The following ZFP1 variants were observed in gnomAD, a reference collection of about 807,000 sequenced individuals.
ZFP1 encodes the protein ZFP1 zinc finger protein.
Under a neutral mutation model 38.5 loss-of-function variants are expected in ZFP1, and 32 were observed. The ratio of observed to expected loss-of-function variants is 0.83; its 90% CI spans 0.63 to 1.12. The LOEUF (loss-of-function observed/expected upper bound fraction) is 1.12, where lower values mean the gene tolerates loss of function less well. Among genes scored for constraint, ZFP1 ranks in the 50% most tolerant of loss-of-function variants. The pLI, the probability that ZFP1 is intolerant of heterozygous loss-of-function variation, is 0.00. For missense variants in ZFP1, 616 were observed against 480.8 expected, an observed-to-expected ratio of 1.28 and a Z score of -2.63; for synonymous variants, 245 against 168.8, an observed-to-expected ratio of 1.45 and a Z score of -3.50.
chr16:75,147,757 A>G (rs1478721777), upstream of ZFP1, among the ~76,000 whole-genome samples: 1 of 152,122 alleles, frequency 6.6e-6, no homozygotes, highest in Non-Finnish European at 1.5e-5. Flanking sequence ...TAAAGGATGA[A>G]AGGAACTGAG....
At chr16:75,150,780 G>T (rs549427971) in intron 1 of ZFP1, among the ~76,000 whole-genome samples, 16 of 152,180 alleles carry the variant, frequency 1.1e-4, no homozygotes, top group South Asian at 4.2e-4. Flanking sequence ...TAACTGTTTC[G>T]TGTGTATTTG....
In ZFP1 at chr16:75,170,323, G is replaced by C; in HGVS notation, c.1213G>C (p.Glu405Gln). 6.4e-7 allele frequency: 1 copy of C among 1,573,906 alleles called. No individual in the cohort carries two copies. Among genetic ancestry groups the C allele is most frequent in the Non-Finnish European group, 8.6e-7 (1 of 1,159,566 alleles). The change falls in exon 4 of 4, where the codon GAG becomes CAG. Residue 405 changes from glutamate to glutamine, a missense_variant. Transcript: ENST00000570010. ...LSVHQRVHIG[E>Q]KP is the part of the protein sequence containing the mutation. ...TGTCCATCAGAGAGTTCACATCGGG[G>C]AGAAACCCTGAAACTCCAGCCAGGT...
chr16:75,157,624 G>A (rs1202273883), intron 2 of ZFP1, among the ~76,000 whole-genome samples: 2 of 152,132 alleles, frequency 1.3e-5, no homozygotes, highest in African/African-American at 2.4e-5. Context: ...TGTCAGGCTT[G>A]ATATAATTTG....
intron 3 of ZFP1, among the ~76,000 whole-genome samples, chr16:75,168,904 T>TC (rs1167371111): frequency 4.6e-5 from 7 of 152,288 alleles, no homozygotes; most frequent in African/African-American, 1.7e-4. Context: ...AACTGCAGTG[T>TC]CCTTAAGAAC....
At chr16:75,166,675 TATAGATTTTCATGATGAATGAC>T in intron 2 of ZFP1, 73 bp from the exon 3 acceptor site, 2 of 1,599,356 alleles carry the variant, frequency 1.3e-6, no homozygotes, top group Non-Finnish European at 1.7e-6. Flanking sequence ...TGGTGTAATA[TATAGATTTTCATGATGAATGAC>T]ATAAAGTTTT....
chr16:75,142,084 G>A, the ZFP1 span, among the ~76,000 whole-genome samples: 3 of 147,748 alleles, frequency 2.0e-5, no homozygotes, highest in Non-Finnish European at 4.5e-5. Context: ...GAGGCTGGGC[G>A]CGGTGGCTCA....
chr16:75,148,623 G>A lies in ZFP1; in HGVS notation c.-64G>A, dbSNP rs552128270. 7.5e-4 allele frequency: 114 copies of A among 152,452 alleles called. 1 individual carries two copies. The highest frequency in any genetic ancestry group is 2.6e-3 in the African/African-American group (110 of 41,600). The allele number at this position is 152,452 out of a possible 1,614,324, so 9.4% of individuals were successfully genotyped here. On this transcript the variant is annotated 5_prime_UTR_variant, in exon 1 of 4. In the 5' UTR this introduces an upstream ATG that the reference lacks. Transcript: ENST00000570010. Reference sequence around the variant, plus strand: ...GACCCGCTGTGGCACTGGGCCACGAGTGGAGGCTGCGCCCCTCCAGGTACG... The same window carrying A: ...GACCCGCTGTGGCACTGGGCCACGAATGGAGGCTGCGCCCCTCCAGGTACG...
the ZFP1 span, among the ~76,000 whole-genome samples, chr16:75,134,105 G>C: frequency 1.3e-5 from 2 of 152,104 alleles, no homozygotes; most frequent in Non-Finnish European, 2.9e-5. Context: ...CTGGATTGGG[G>C]GACAGGGAAT....
At chr16:75,168,330 T>G (rs1446546712) in intron 3 of ZFP1, among the ~76,000 whole-genome samples, 1 of 152,122 alleles carries the variant, frequency 6.6e-6, no homozygotes, top group Non-Finnish European at 1.5e-5. Context: ...ATCCTTAAGA[T>G]GCTGAACACA....
chr16:75,161,887 C>T (rs571682205), intron 2 of ZFP1, among the ~76,000 whole-genome samples: 6 of 143,920 alleles, frequency 4.2e-5, no homozygotes, highest in East Asian at 4.3e-4. Flanking sequence ...CAGGTTCAAG[C>T]GATTCCCCTG....
intron 2 of ZFP1, among the ~76,000 whole-genome samples, chr16:75,162,155 C>G (rs1020339223): frequency 6.6e-6 from 1 of 151,820 alleles, no homozygotes; most frequent in Non-Finnish European, 1.5e-5. Context: ...CAGGGTCTCA[C>G]TTTGTCACCC....
At chr16:75,129,502 G>C in the ZFP1 span, among the ~76,000 whole-genome samples, 2 of 152,196 alleles carry the variant, frequency 1.3e-5, no homozygotes, top group African/African-American at 2.4e-5. Context: ...TGCTCACTGA[G>C]ATAAATGCGT....
the ZFP1 span, among the ~76,000 whole-genome samples, chr16:75,129,079 C>T: frequency 1.2e-4 from 19 of 152,252 alleles, no homozygotes; most frequent in South Asian, 1.2e-3. Flanking sequence ...TGTGAGCCAC[C>T]GCGCCGGGCC....
chr16:75,160,628 C>A (rs905174754), intron 2 of ZFP1, among the ~76,000 whole-genome samples: 3 of 142,992 alleles, frequency 2.1e-5, no homozygotes, highest in African/African-American at 7.8e-5. Context: ...CACTGCACTC[C>A]AATCTGGGTG....
At chr16:75,167,396 CTTT>C (rs11417475) in intron 3 of ZFP1, among the ~76,000 whole-genome samples, 2 of 148,644 alleles carry the variant, frequency 1.3e-5, no homozygotes, top group African/African-American at 2.5e-5. Context: ...CCCTGCTTAC[CTTT>C]TTTTTTTTCC....
At chr16:75,154,052 A>G (rs1302950139) in intron 2 of ZFP1, among the ~76,000 whole-genome samples, 3 of 152,166 alleles carry the variant, frequency 2.0e-5, no homozygotes, top group African/African-American at 7.2e-5. Context: ...CCCCGTCTCT[A>G]GTAAAAAAAA....
At chr16:75,127,272 A>T in the ZFP1 span, among the ~76,000 whole-genome samples, 1 of 151,746 alleles carries the variant, frequency 6.6e-6, no homozygotes, top group Non-Finnish European at 1.5e-5. Flanking sequence ...TGGGCAGGGA[A>T]AGAGTCTCCC....
At chr16:75,164,747 T>C (rs1406568632) in intron 2 of ZFP1, among the ~76,000 whole-genome samples, 4 of 152,196 alleles carry the variant, frequency 2.6e-5, no homozygotes, top group African/African-American at 9.7e-5. Flanking sequence ...ATCAAAAGAA[T>C]ATTTTGTGCT....
the ZFP1 span, among the ~76,000 whole-genome samples, chr16:75,126,566 G>A: frequency 2.0e-5 from 3 of 152,118 alleles, no homozygotes; most frequent in East Asian, 5.8e-4. Flanking sequence ...ACTACACCAG[G>A]CTAATTTTTG....
Sources: gnomAD v4.1 joint callset for allele counts (sites outside exome capture counted in the v4.1 genomes callset) on GRCh38, gnomAD v4.1.1 for gene constraint, MANE v1.5 for transcripts, NCBI Gene and HGNC (gene_info 2026-07-23, HGNC 2026-07-21) for gene names.